The following SPOCK3 variants were observed in gnomAD, a reference collection of about 807,000 sequenced individuals.
The protein encoded by SPOCK3 is testican-3.
In SPOCK3, 30 loss-of-function variants were observed where a neutral mutation model predicts 56.6. That is an observed-to-expected ratio of 0.53 (90% CI 0.40 to 0.72). The LOEUF is 0.72. Among genes scored for constraint, SPOCK3 ranks in the 30% least tolerant of loss-of-function variants. The pLI is 0.00. For synonymous variants in SPOCK3, 196 were observed against 183.3 expected (o/e 1.07, Z -0.56); for missense variants, 527 against 530.0 (o/e 0.99, Z 0.06).
chr4:167,217,222 T>G (rs1226698186), intron 2 of SPOCK3, among the ~76,000 whole-genome samples: 9 of 152,144 alleles, frequency 5.9e-5, no homozygotes, highest in Non-Finnish European at 1.3e-4. Flanking sequence ...CAAGGTTATT[T>G]CAGTTAAAAA....
intron 3 of SPOCK3, among the ~76,000 whole-genome samples, chr4:167,008,998 A>C (rs1030404199): frequency 6.6e-6 from 1 of 152,132 alleles, no homozygotes; most frequent in Non-Finnish European, 1.5e-5. Context: ...ATAACAATTA[A>C]AAAGAATAAT....
intron 6 of SPOCK3, among the ~76,000 whole-genome samples, chr4:166,869,834 C>T (rs983015547): frequency 6.6e-6 from 1 of 151,916 alleles, no homozygotes; most frequent in African/African-American, 2.4e-5. Context: ...TACAGCACCT[C>T]GGATTTTTTA....
At chr4:166,975,500 T>C (rs1745848803) in intron 4 of SPOCK3, among the ~76,000 whole-genome samples, 1 of 152,206 alleles carries the variant, frequency 6.6e-6, no homozygotes, top group East Asian at 1.9e-4. Context: ...CATTTCTTTG[T>C]GTTACATTCC....
intron 6 of SPOCK3, among the ~76,000 whole-genome samples, chr4:166,795,858 T>A (rs1741879510): frequency 6.6e-6 from 1 of 152,138 alleles, no homozygotes; most frequent in South Asian, 2.1e-4. Context: ...TCCCACACAC[T>A]GTACTAACTG....
intron 4 of SPOCK3, among the ~76,000 whole-genome samples, chr4:166,964,530 C>T (rs1744487028): frequency 6.6e-6 from 1 of 151,708 alleles, no homozygotes; most frequent in Non-Finnish European, 1.5e-5. Flanking sequence ...GTTCTCATCA[C>T]ATATTTGTAT....
At chr4:167,121,671 T>C (rs1761876177) in intron 2 of SPOCK3, among the ~76,000 whole-genome samples, 1 of 152,024 alleles carries the variant, frequency 6.6e-6, no homozygotes, top group Non-Finnish European at 1.5e-5. Context: ...CTTGGAAAAA[T>C]GTTATCAGTA....
chr4:166,763,462 G>T (rs1441291677), intron 7 of SPOCK3, among the ~76,000 whole-genome samples: 2 of 152,142 alleles, frequency 1.3e-5, no homozygotes, highest in East Asian at 1.9e-4. Flanking sequence ...TGGAAATCTG[G>T]ATCTACATAT....
At chr4:167,231,454 G>A (rs1201213056) in intron 2 of SPOCK3, among the ~76,000 whole-genome samples, 2 of 151,992 alleles carry the variant, frequency 1.3e-5, no homozygotes, top group African/African-American at 2.4e-5. Flanking sequence ...CAAATAAGAG[G>A]TTCAGAATTC....
chr4:167,112,112 T>C (rs1182464592), intron 2 of SPOCK3, among the ~76,000 whole-genome samples: 1 of 152,120 alleles, frequency 6.6e-6, no homozygotes, highest in Non-Finnish European at 1.5e-5. Context: ...ACAGGAAATA[T>C]ACTAGCATCT....
At chr4:166,772,158 G>T (rs965737978) in intron 7 of SPOCK3, among the ~76,000 whole-genome samples, 2 of 152,016 alleles carry the variant, frequency 1.3e-5, no homozygotes, top group Admixed American at 6.6e-5. Flanking sequence ...AACATAAACA[G>T]TAATGATTTA....
chr4:166,920,313 G>A (rs1290996619), intron 4 of SPOCK3, among the ~76,000 whole-genome samples: 1 of 152,056 alleles, frequency 6.6e-6, no homozygotes, highest in Non-Finnish European at 1.5e-5. Flanking sequence ...GGTGGTGTCT[G>A]GAGAGTATAC....
intron 2 of SPOCK3, among the ~76,000 whole-genome samples, chr4:167,163,145 CAT>C (rs1370571155): frequency 6.9e-6 from 1 of 145,434 alleles, no homozygotes. Flanking sequence ...ACAATTAAAA[CAT>C]AGGTTTTTTT....
At chr4:167,179,022 A>C (rs1731222551) in intron 2 of SPOCK3, among the ~76,000 whole-genome samples, 1 of 152,110 alleles carries the variant, frequency 6.6e-6, no homozygotes, top group Non-Finnish European at 1.5e-5. Flanking sequence ...TTCCAGAATT[A>C]TTTTTGGGAT....
At chr4:167,170,474 A>T (rs571349428) in intron 2 of SPOCK3, among the ~76,000 whole-genome samples, 3 of 152,208 alleles carry the variant, frequency 2.0e-5, no homozygotes, top group African/African-American at 7.2e-5. Flanking sequence ...ACATTTATTG[A>T]GCAATTTGAA....
chr4:167,014,259 T>G (rs1750376638), intron 3 of SPOCK3, among the ~76,000 whole-genome samples: 1 of 134,224 alleles, frequency 7.5e-6, no homozygotes, highest in African/African-American at 2.6e-5. Context: ...AAATAAATTC[T>G]ACTTTTTCTT....
Position 167,122,339 on chromosome 4 carries a change from G to A in SPOCK3, c.190-59802C>T, listed in dbSNP as rs777129999. ...TGGCTAATTTTTGATCTGTGGAGAC[G>A]GGGTTTTGCCATGTTGCCCAAGCTG... On this transcript the variant is annotated intron_variant, in intron 2 of 10. Transcript: ENST00000357545. 4.6e-5 allele frequency among the ~76,000 whole-genome samples: 7 copies of A among 152,004 alleles called. No homozygotes were observed. The South Asian group carries it at 6.2e-4, about 14-fold the overall frequency.
intron 2 of SPOCK3, among the ~76,000 whole-genome samples, chr4:167,084,846 T>C (rs1758043043): frequency 2.0e-5 from 3 of 152,120 alleles, no homozygotes; most frequent in Non-Finnish European, 2.9e-5. Context: ...GATTTATAAA[T>C]ATATTAAAAA....
At chr4:167,008,497 T>G (rs191542475) in intron 3 of SPOCK3, among the ~76,000 whole-genome samples, 132 of 152,264 alleles carry the variant, frequency 8.7e-4, no homozygotes, top group African/African-American at 3.1e-3. Context: ...AATGATGTTA[T>G]GCAGGCTTTT....
intron 9 of SPOCK3, among the ~76,000 whole-genome samples, chr4:166,738,780 C>T (rs1057005112): frequency 9.9e-5 from 15 of 151,608 alleles, no homozygotes; most frequent in African/African-American, 2.7e-4. Context: ...TCATCCATGT[C>T]GCTATAAAGG....
Sources: allele counts gnomAD v4.1 joint callset (sites outside exome capture counted in the v4.1 genomes callset), GRCh38; gene constraint gnomAD v4.1.1; transcripts MANE v1.5; gene names NCBI Gene and HGNC (gene_info 2026-07-23, HGNC 2026-07-21).